The following PALS1 variants were observed in gnomAD, a reference collection of about 807,000 sequenced individuals.
The protein encoded by PALS1 is protein associated with LIN7 1, MAGUK p55 family member.
A neutral mutation model predicts 78.9 loss-of-function variants in PALS1; 31 were observed. The ratio of observed to expected loss-of-function variants is 0.39; its 90% CI spans 0.30 to 0.53. The LOEUF (loss-of-function observed/expected upper bound fraction) is 0.53. PALS1 is among the 20% of genes least tolerant of loss of function. PALS1 has a pLI of 0.67. For synonymous variants in PALS1, 276 were observed against 270.9 expected (o/e 1.02, Z -0.18); for missense variants, 704 against 826.5 (o/e 0.85, Z 1.82).
At chr14:67,272,100 A>G (rs1160943404) in intron 2 of PALS1, 1 of 152,006 alleles carries the variant, frequency 6.6e-6, no homozygotes, top group Admixed American at 6.6e-5. Flanking sequence ...CTTAATAACC[A>G]TAGTATCTAG....
rs1057261089 is a variant in PALS1, at chr14:67,335,847, G to A, written c.*2891G>A. 3 of 152,072 alleles carry A rather than the reference G, an allele frequency of 2.0e-5. No homozygotes were observed. Among genetic ancestry groups the A allele is most frequent in the African/African-American group, 4.8e-5 (2 of 41,400 alleles). The allele number at this position is 152,072 out of a possible 1,614,324, so 9.4% of individuals were successfully genotyped here. A position where few individuals can be genotyped will look rare whatever the true frequency, so the allele number is the denominator to read the frequency against. On this transcript the variant is annotated 3_prime_UTR_variant, in exon 15 of 15. Transcript: ENST00000261681. Reference sequence around the variant, plus strand: ...AAGCAATTTCTCTTGCTATTTGCTCGGCCACTCAAGGTTTCCACACATGTA... The same window carrying A: ...AAGCAATTTCTCTTGCTATTTGCTCAGCCACTCAAGGTTTCCACACATGTA...
intron 2 of PALS1, among the ~76,000 whole-genome samples, chr14:67,276,394 A>G (rs141899477): frequency 2.6e-5 from 4 of 152,132 alleles, no homozygotes; most frequent in African/African-American, 9.7e-5. Flanking sequence ...CCTTTCTACT[A>G]TCTGGCTAAT....
intron 1 of PALS1, among the ~76,000 whole-genome samples, chr14:67,250,904 G>GA (rs1161150102): frequency 1.3e-5 from 2 of 152,124 alleles, no homozygotes; most frequent in Non-Finnish European, 2.9e-5. Flanking sequence ...CTCTTATCCA[G>GA]AATTGTATCC....
chr14:67,247,338 A>C (rs2084002774), intron 1 of PALS1, among the ~76,000 whole-genome samples: 1 of 152,298 alleles, frequency 6.6e-6, no homozygotes, highest in East Asian at 1.9e-4. Flanking sequence ...GGTATATAGA[A>C]ATTAATTTTT....
chr14:67,334,500 T>A lies in PALS1; in HGVS notation c.*1544T>A, dbSNP rs369875400. 1.3e-5 allele frequency: 2 copies of A among 152,630 alleles called. No homozygotes were observed. Among genetic ancestry groups the A allele is most frequent in the African/African-American group, 4.8e-5 (2 of 41,436 alleles). 9.5% of individuals were successfully genotyped at this position (152,630 alleles called of 1,614,324 possible). The stretch of plus-strand genomic sequence containing the variant: ...AACATAAGCAATTATGTTTAAGGAG[T>A]AATTTGTGTCATGTACATATTTGAT... On this transcript the variant is annotated 3_prime_UTR_variant, in exon 15 of 15. Transcript: ENST00000261681.
At position 67,335,935 on chromosome 14, in the gene PALS1, A is replaced by G. The variant is rs879914314; in HGVS notation, c.*2979A>G. 2.6e-5 allele frequency: 4 copies of G among 152,254 alleles called. No homozygotes were observed. The highest frequency in any genetic ancestry group is 4.4e-5 in the Non-Finnish European group (3 of 68,056). 9.4% of individuals were successfully genotyped at this position (152,254 alleles called of 1,614,324 possible). ...GACCATTGGATCCTCCAGCTACAAC[A>G]CAAAATACTTTTTGATTTGTTCTTT... On this transcript the variant is annotated 3_prime_UTR_variant, in exon 15 of 15. Coordinates refer to ENST00000261681, the MANE Select transcript of PALS1 (RefSeq NM_022474.4).
intron 14 of PALS1, among the ~76,000 whole-genome samples, chr14:67,328,553 A>T (rs1318837347): frequency 1.3e-5 from 2 of 152,194 alleles, no homozygotes; most frequent in Non-Finnish European, 2.9e-5. Flanking sequence ...GTCCTTGCCC[A>T]TGCCTATGTC....
intron 13 of PALS1, among the ~76,000 whole-genome samples, chr14:67,321,819 A>G (rs1192785489): frequency 6.6e-6 from 1 of 152,178 alleles, no homozygotes; most frequent in Non-Finnish European, 1.5e-5. Context: ...ATATGCTTGT[A>G]TGTATGTTCT....
chr14:67,256,851 T>C (rs567469170), intron 1 of PALS1, among the ~76,000 whole-genome samples: 1 of 150,550 alleles, frequency 6.6e-6, no homozygotes, highest in East Asian at 2.0e-4. Context: ...CCTGATTTGT[T>C]TGAATGTATA....
At chr14:67,313,316 A>G (rs1005466785) in intron 9 of PALS1, among the ~76,000 whole-genome samples, 2 of 152,216 alleles carry the variant, frequency 1.3e-5, no homozygotes, top group African/African-American at 4.8e-5. Flanking sequence ...AAGTTCTGAG[A>G]AATGTGCCAT....
intron 9 of PALS1, 95 bp from the exon 10 acceptor site, chr14:67,316,737 G>T (rs1311020061): frequency 1.2e-5 from 11 of 895,884 alleles, no homozygotes; most frequent in Non-Finnish European, 1.9e-5. Flanking sequence ...TATAAGTGAA[G>T]AGATATGTCT....
intron 8 of PALS1, among the ~76,000 whole-genome samples, chr14:67,310,185 C>G (rs999373052): frequency 2.0e-5 from 3 of 151,978 alleles, no homozygotes; most frequent in African/African-American, 7.3e-5. Flanking sequence ...TGATTCACTG[C>G]TATCCCACAC....
rs528523787 is a variant in PALS1 at position 67,316,808 on chromosome 14, CTTCT to C, written c.1226-21_1226-18del. On this transcript the variant is annotated intron_variant, in intron 9 of 14. Transcript: ENST00000261681. Reference sequence around the variant, plus strand: ...ATCCTTTTATCTTAAATATTTTACCCTTCTTTTTCTTTCTGCTATTAAGGGAAAA... The same window carrying C: ...ATCCTTTTATCTTAAATATTTTACCCTTTTCTTTCTGCTATTAAGGGAAAA... The C allele has an allele frequency of 2.7e-4, 427 of 1,588,582 alleles. No homozygotes were observed. The African/African-American group carries it at 5.2e-3, about 20-fold the overall frequency.
At chr14:67,326,275 A>G (rs2085357636) in intron 14 of PALS1, among the ~76,000 whole-genome samples, 1 of 51,394 alleles carries the variant, frequency 1.9e-5, no homozygotes, top group South Asian at 6.2e-4. Context: ...GAGATTCTAT[A>G]TGTCACCCAG....
In PALS1 at chr14:67,303,544, C is replaced by T; in HGVS notation, c.986C>T (p.Thr329Ile). 6.2e-7 allele frequency: 1 copy of T among 1,613,726 alleles called. No homozygotes were observed. The highest frequency in any genetic ancestry group is 1.7e-5 in the Admixed American group (1 of 60,010). The change falls in exon 8 of 15, where the codon ACT becomes ATT. Residue 329 changes from threonine (T) to isoleucine (I), a missense_variant. Thr to Ile is a moderately conservative substitution (Grantham distance 89). Transcript: ENST00000261681. ...CAGTCTGATATGCATGGTACTTTGACTTTTGTCCTGATTCCCAGTCAACAG... is the reference window on the plus strand; with the variant it reads ...CAGTCTGATATGCATGGTACTTTGATTTTTGTCCTGATTCCCAGTCAACAG... Reference protein sequence around the residue: ...DLLSDMHGTLTFVLIPSQQIK... With the variant: ...DLLSDMHGTLIFVLIPSQQIK...
intron 3 of PALS1, chr14:67,279,853 T>A: frequency 3.6e-6 from 1 of 279,376 alleles, no homozygotes; most frequent in Non-Finnish European, 6.6e-6. Flanking sequence ...TGCAAAATAC[T>A]AAAAAAGAAT....
chr14:67,320,472 A>C (rs1323860980), intron 12 of PALS1, 75 bp downstream of exon 12: 2 of 1,355,652 alleles, frequency 1.5e-6, no homozygotes, highest in East Asian at 5.0e-5. Context: ...TCATGTAGGG[A>C]AATTTTTTAT....
intron 1 of PALS1, among the ~76,000 whole-genome samples, chr14:67,253,569 G>A (rs1007595945): frequency 2.0e-5 from 3 of 152,098 alleles, no homozygotes; most frequent in Admixed American, 6.6e-5. Flanking sequence ...GTTAGGCCAG[G>A]CGCAGCAGCT....
At chr14:67,247,114 C>T (rs1271620520) in intron 1 of PALS1, among the ~76,000 whole-genome samples, 1 of 152,142 alleles carries the variant, frequency 6.6e-6, no homozygotes, top group East Asian at 1.9e-4. Context: ...GAGATTGTGT[C>T]TAATTTAGAG....
Sources: gnomAD v4.1 joint callset for allele counts (sites outside exome capture counted in the v4.1 genomes callset) on GRCh38, gnomAD v4.1.1 for gene constraint, MANE v1.5 for transcripts, NCBI Gene and HGNC (gene_info 2026-07-23, HGNC 2026-07-21) for gene names.